The following CDH13 variants were observed in gnomAD, a reference collection of about 807,000 sequenced individuals.
CDH13 encodes the protein cadherin 13.
CDH13 carries 24 observed loss-of-function variants against 63.8 expected under a neutral mutation model. The ratio of observed to expected loss-of-function variants is 0.38; its 90% CI spans 0.27 to 0.53. The LOEUF is 0.53. Ranked by LOEUF, CDH13 falls within the 20% of genes least tolerant of loss-of-function variation. The pLI is 0.85. For missense variants in CDH13, 1,049 were observed against 903.1 expected (o/e 1.16, Z -2.07); for synonymous variants, 503 against 355.3 (o/e 1.42, Z -4.67).
intron 1 of CDH13, among the ~76,000 whole-genome samples, chr16:82,671,904 C>A (rs1356567471): frequency 6.6e-6 from 1 of 152,170 alleles, no homozygotes; most frequent in Non-Finnish European, 1.5e-5. Context: ...CCCCTGCTGG[C>A]CAGCATCATT....
chr16:83,657,877 G>T (rs1282797989), intron 8 of CDH13, among the ~76,000 whole-genome samples: 1 of 150,422 alleles, frequency 6.6e-6, no homozygotes, highest in Non-Finnish European at 1.5e-5. Context: ...CACCAGCAAG[G>T]TCCCATATCA....
rs1567579791 is a variant in CDH13, at chr16:83,307,362, C to T, written c.637-37500C>T. Among the ~76,000 whole-genome samples, 4 of 152,292 alleles carry T rather than the reference C, an allele frequency of 2.6e-5. No individual in the cohort carries two copies. In the South Asian group the frequency reaches 6.2e-4, roughly 24 times the overall value. On this transcript the variant is annotated intron_variant, in intron 5 of 13. Transcript: ENST00000567109. ...CTTCTCCTGGGAAGATAAAGGTCAA[C>T]TTAAACCTGAGCTCCAGGCAGTGCT...
chr16:83,736,626 C>T (rs542023972), intron 10 of CDH13, among the ~76,000 whole-genome samples: 4 of 151,820 alleles, frequency 2.6e-5, no homozygotes, highest in East Asian at 1.9e-4. Flanking sequence ...CTGCTGTATT[C>T]ACGTAGGTTT....
chr16:83,024,757 A>G (rs1317879950), intron 2 of CDH13, among the ~76,000 whole-genome samples: 3 of 152,240 alleles, frequency 2.0e-5, no homozygotes, highest in Admixed American at 1.3e-4. Context: ...GTCTTCACCA[A>G]CAATCCGTTT....
At position 82,961,572 on chromosome 16, in the gene CDH13, T is replaced by TTAAAAAAAAA. The variant is rs774564311; in HGVS notation, c.158-70438_158-70437insTAAAAAAAAA. Among the ~76,000 whole-genome samples, 64 of 103,376 alleles carry TTAAAAAAAAA rather than the reference T, an allele frequency of 6.2e-4. 1 individual carries two copies. The highest frequency in any genetic ancestry group is 2.4e-3 in the African/African-American group (61 of 24,916). The allele number at this position is 103,376 out of a possible 152,430, so 67.8% of individuals were successfully genotyped here. A position where few individuals can be genotyped will look rare whatever the true frequency, so the allele number is the denominator to read the frequency against. ...TGTCCATAAGAATAAGCAGGGGACT[T>TTAAAAAAAAA]AAAAAAAAAAAAAAAAAAAAAAAAC... On this transcript the variant is annotated intron_variant, in intron 2 of 13. Transcript: ENST00000567109.
At chr16:83,623,346 G>T (rs1195207127) in intron 8 of CDH13, among the ~76,000 whole-genome samples, 1 of 152,106 alleles carries the variant, frequency 6.6e-6, no homozygotes, top group African/African-American at 2.4e-5. Flanking sequence ...GGCCCTTTCA[G>T]CGCCTTGTTT....
At chr16:82,816,250 T>G (rs1007300103) in intron 1 of CDH13, among the ~76,000 whole-genome samples, 1 of 152,134 alleles carries the variant, frequency 6.6e-6, no homozygotes, top group Non-Finnish European at 1.5e-5. Flanking sequence ...TCTTATTATT[T>G]GTAGCAGCAA....
intron 5 of CDH13, among the ~76,000 whole-genome samples, chr16:83,263,255 T>C (rs1004227615): frequency 6.6e-6 from 1 of 152,250 alleles, no homozygotes; most frequent in African/African-American, 2.4e-5. Flanking sequence ...AATTCCACCT[T>C]TTTGTACAAA....
At chr16:83,312,343 T>G (rs1375801312) in intron 5 of CDH13, among the ~76,000 whole-genome samples, 1 of 152,158 alleles carries the variant, frequency 6.6e-6, no homozygotes, top group East Asian at 1.9e-4. Flanking sequence ...AATCATTGGA[T>G]GGACACTGGC....
chr16:83,184,857 C>A (rs1023843942), intron 4 of CDH13, among the ~76,000 whole-genome samples: 1 of 151,514 alleles, frequency 6.6e-6, no homozygotes, highest in African/African-American at 2.4e-5. Context: ...TACATTAGCT[C>A]ATTTAGTGTT....
At chr16:82,810,886 G>T (rs1055062111) in intron 1 of CDH13, among the ~76,000 whole-genome samples, 3 of 152,164 alleles carry the variant, frequency 2.0e-5, no homozygotes, top group South Asian at 2.1e-4. Flanking sequence ...AGGGGGAAAT[G>T]GGGGGAGGTA....
chr16:83,651,996 C>T (rs1399880886), intron 8 of CDH13, among the ~76,000 whole-genome samples: 1 of 152,178 alleles, frequency 6.6e-6, no homozygotes, highest in Non-Finnish European at 1.5e-5. Flanking sequence ...CCAGGAGGGA[C>T]AGAGAATGCT....
intron 8 of CDH13, among the ~76,000 whole-genome samples, chr16:83,650,143 G>A (rs553908802): frequency 8.3e-4 from 127 of 152,178 alleles, no homozygotes; most frequent in Admixed American, 2.5e-3. Flanking sequence ...GAATCAATGT[G>A]TTGCACCTGC....
At chr16:83,034,381 T>C (rs1040343484) in intron 3 of CDH13, among the ~76,000 whole-genome samples, 2 of 152,112 alleles carry the variant, frequency 1.3e-5, no homozygotes, top group Non-Finnish European at 2.9e-5. Context: ...TAAAAACGAA[T>C]GTACGGCACG....
intron 4 of CDH13, among the ~76,000 whole-genome samples, chr16:83,184,540 A>T (rs1486721717): frequency 6.6e-6 from 1 of 152,118 alleles, no homozygotes; most frequent in African/African-American, 2.4e-5. Context: ...GGATCAACTG[A>T]GGTCAGGATT....
At chr16:83,556,949 G>C (rs751110484) in intron 7 of CDH13, among the ~76,000 whole-genome samples, 8 of 152,140 alleles carry the variant, frequency 5.3e-5, no homozygotes, top group Non-Finnish European at 8.8e-5. Context: ...ACTCTCAACC[G>C]ATTTTCTACA....
At chr16:82,779,694 C>T (rs1223182331) in intron 1 of CDH13, among the ~76,000 whole-genome samples, 2 of 152,156 alleles carry the variant, frequency 1.3e-5, no homozygotes, top group Non-Finnish European at 2.9e-5. Context: ...TCCACCAGAA[C>T]CAGATTGTTG....
intron 5 of CDH13, among the ~76,000 whole-genome samples, chr16:83,251,480 G>T (rs531864778): frequency 1.4e-4 from 22 of 152,264 alleles, no homozygotes; most frequent in African/African-American, 4.8e-4. Flanking sequence ...ATTCCAGATG[G>T]TCTGTCTCCA....
Position 83,064,144 on chromosome 16 carries a change from G to A in CDH13, c.366+31926G>A, listed in dbSNP as rs537502943. Among the ~76,000 whole-genome samples, 59 of 152,278 alleles carry A rather than the reference G, an allele frequency of 3.9e-4. 1 individual carries two copies. Among genetic ancestry groups the A allele is most frequent in the African/African-American group, 1.3e-3 (56 of 41,574 alleles). On this transcript the variant is annotated intron_variant, in intron 3 of 13. Transcript: ENST00000567109. ...CCAGCACTTTGGGAGGCCGAGGTGG[G>A]CAGACCATGAGGTCAGGAGCTCAAG... is the stretch of plus-strand genomic sequence containing the variant.
Sources: allele counts gnomAD v4.1 joint callset (sites outside exome capture counted in the v4.1 genomes callset), GRCh38; gene constraint gnomAD v4.1.1; transcripts MANE v1.5; gene names NCBI Gene and HGNC (gene_info 2026-07-23, HGNC 2026-07-21).